COL18A1: variants seen among roughly 807,000 people sequenced by gnomAD.
COL18A1 encodes collagen type XVIII alpha 1 chain, also known as collagen alpha-1(XVIII) chain.
In COL18A1, 133 loss-of-function variants were observed where a neutral mutation model predicts 168.0. The observed-to-expected ratio is 0.79, with a 90% CI of 0.69 to 0.91. The LOEUF (loss-of-function observed/expected upper bound fraction) is 0.91, where lower values mean the gene tolerates loss of function less well. COL18A1 is among the 40% of genes least tolerant of loss of function. COL18A1 has a pLI of 0.00. For missense variants in COL18A1, 2,126 were observed against 1,925.4 expected (o/e 1.10, Z -1.95); for synonymous variants, 949 against 809.0 (o/e 1.17, Z -2.94).
At chr21:45,502,434 T>TAAAG (rs1361791672) in intron 32 of COL18A1, 1 of 152,230 alleles carries the variant, frequency 6.6e-6, no homozygotes, top group African/African-American at 2.4e-5. Context: ...CCTAAGATGT[T>TAAAG]AAAGAACAAA....
intron 2 of COL18A1, among the ~76,000 whole-genome samples, chr21:45,452,797 CAT>C (rs60869374): frequency 0.13 from 19,432 of 151,304 alleles, 1,432 homozygotes; most frequent in East Asian, 0.22. Context: ...CATGCATGTA[CAT>C]ATGTGATTGT....
Position 45,473,243 on chromosome 21 carries a change from A to C in COL18A1, c.652-652A>C, listed in dbSNP as rs2035514065. Among the ~76,000 whole-genome samples, 3 of 152,176 alleles carry C rather than the reference A, an allele frequency of 2.0e-5. No homozygotes were observed. In the South Asian group the frequency reaches 6.2e-4, roughly 32 times the overall value. ...GCACCGCCGGCCGCGCCAGGGCCCG[A>C]GAGGGCAGGGTCAGGCACCCTGGCA... On this transcript the variant is annotated intron_variant, in intron 3 of 41. Transcript: ENST00000651438. The surrounding 1 kb of genome is among the most constrained non-coding windows in gnomAD (Gnocchi z 4.0).
In COL18A1 at chr21:45,423,889, C is replaced by T. The variant is rs1400433746; in HGVS notation, c.106+18416C>T. 6.6e-6 allele frequency: 1 copy of T among 152,262 alleles called. No homozygotes were observed. The highest frequency in any genetic ancestry group is 1.9e-4 in the East Asian group (1 of 5,198). The allele number at this position is 152,262 out of a possible 1,614,324, so 9.4% of individuals were successfully genotyped here. On this transcript the variant is annotated intron_variant, in intron 2 of 41. Transcript: ENST00000651438. This position sits in a 1 kb window ranked among gnomAD's most constrained non-coding sequence, Gnocchi z 4.0. The stretch of plus-strand genomic sequence containing the variant: ...GTCCTGGGGGCAGAGGCCTGACGCA[C>T]TCAGCTGCTCGCCCAGGGCCCTCCT...
chr21:45,494,782 C>T (rs1948124228), intron 27 of COL18A1, 80 bp from the exon 28 acceptor site: 4 of 1,369,606 alleles, frequency 2.9e-6, no homozygotes, highest in African/African-American at 1.4e-5. Flanking sequence ...TGCATGGCCC[C>T]TCCCCTTCCC....
chr21:45,469,985 G>T (rs1218935019), intron 3 of COL18A1, among the ~76,000 whole-genome samples: 5 of 152,172 alleles, frequency 3.3e-5, no homozygotes, highest in Admixed American at 2.0e-4. Context: ...GCAATTTGTT[G>T]TGTGAGTCCC....
intron 2 of COL18A1, among the ~76,000 whole-genome samples, chr21:45,409,668 G>T (rs1198276387): frequency 6.6e-6 from 1 of 152,242 alleles, no homozygotes; most frequent in Non-Finnish European, 1.5e-5. Context: ...GTGAAGCCCT[G>T]CCATCTGGTG....
At chr21:45,470,795 A>G (rs1432632542) in intron 3 of COL18A1, among the ~76,000 whole-genome samples, 1 of 152,098 alleles carries the variant, frequency 6.6e-6, no homozygotes, top group Non-Finnish European at 1.5e-5. Context: ...CTGGGATTTG[A>G]TGTGTTTATG....
rs2036326317 is a variant in COL18A1, at chr21:45,491,162, G to T, written c.2068-63G>T. ...TGGGCACCCCCTCCAGGGCTGGGTG[G>T]ACTCTGGGGTCCTGGCCAGAGCGGT... is the stretch of plus-strand genomic sequence containing the variant. On this transcript the variant is annotated intron_variant, in intron 21 of 41. Coordinates refer to ENST00000651438, the MANE Select transcript of COL18A1 (RefSeq NM_001379500.1). 2.8e-6 allele frequency: 4 copies of T among 1,409,142 alleles called. No individual in the cohort carries two copies. The African/African-American group carries it at 5.6e-5, about 20-fold the overall frequency. 87.3% of individuals were successfully genotyped at this position (1,409,142 alleles called of 1,614,324 possible).
intron 2 of COL18A1, among the ~76,000 whole-genome samples, chr21:45,440,672 C>T (rs775103682): frequency 1.2e-3 from 182 of 152,000 alleles, no homozygotes; most frequent in Middle Eastern, 0.01. Context: ...CCACGTTCCC[C>T]GGAAGCAGTC....
chr21:45,497,450 C>A, intron 31 of COL18A1, 149 bp from the exon 32 acceptor site: 1 of 1,141,596 alleles, frequency 8.8e-7, no homozygotes, highest in Non-Finnish European at 1.3e-6. Flanking sequence ...CCCCTGCTCT[C>A]CAGCAGCTCC....
In COL18A1 at chr21:45,512,558, C is replaced by T; in HGVS notation, c.*160C>T. ...TAATCCTCAAGAAATAAAAGGAAGC[C>T]AAAGAGTGTATTTTTTTAAAAGTTT... On this transcript the variant is annotated 3_prime_UTR_variant, in exon 42 of 42. Coordinates refer to ENST00000651438, the MANE Select transcript of COL18A1 (RefSeq NM_001379500.1). The T allele has an allele frequency of 1.4e-6, 1 of 693,190 alleles. No homozygotes were observed. Among genetic ancestry groups the T allele is most frequent in the South Asian group, 1.8e-5 (1 of 55,508 alleles). 42.9% of individuals were successfully genotyped at this position (693,190 alleles called of 1,614,324 possible). A position where few individuals can be genotyped will look rare whatever the true frequency, so the allele number is the denominator to read the frequency against.
At chr21:45,505,455 G>A (rs771328310) in intron 36 of COL18A1, 24 bp downstream of exon 36, 131 of 1,323,730 alleles carry the variant, frequency 9.9e-5, no homozygotes, top group Non-Finnish European at 1.3e-4. Flanking sequence ...CAGCCGGCTG[G>A]GCACCTGCGT....
rs796996583 is a variant in COL18A1, at chr21:45,457,535, TGG to T, written c.107-10706_107-10705del. ...TCACCGTGTGGCCTGGCCTTGTTGCTGGCTGGACAGTTGGGGGCAGGAAGAGG... is the reference window on the plus strand; with the variant it reads ...TCACCGTGTGGCCTGGCCTTGTTGCTCTGGACAGTTGGGGGCAGGAAGAGG... On this transcript the variant is annotated intron_variant, in intron 2 of 41. Transcript: ENST00000651438. This position sits in a 1 kb window ranked among gnomAD's most constrained non-coding sequence, Gnocchi z 4.6. 3.7e-4 allele frequency among the ~76,000 whole-genome samples: 56 copies of T among 152,300 alleles called. 2 individuals carry two copies. Among genetic ancestry groups the T allele is most frequent in the African/African-American group, 1.3e-3 (54 of 41,572 alleles).
In COL18A1 at chr21:45,463,860, G is replaced by A. The variant is rs1357373889; in HGVS notation, c.107-4382G>A. Among the ~76,000 whole-genome samples, 2 of 151,864 alleles carry A rather than the reference G, an allele frequency of 1.3e-5. No homozygotes were observed. Among genetic ancestry groups the A allele is most frequent in the Admixed American group, 1.3e-4 (2 of 15,256 alleles). Reference sequence around the variant, plus strand: ...TGTGGTGAGCTGAGATTGCACCACTGTACTCCAGCCTGGGCAACAAGAGCG... The same window carrying A: ...TGTGGTGAGCTGAGATTGCACCACTATACTCCAGCCTGGGCAACAAGAGCG... On this transcript the variant is annotated intron_variant, in intron 2 of 41. Coordinates refer to ENST00000651438, the MANE Select transcript of COL18A1 (RefSeq NM_001379500.1). The surrounding 1 kb of genome is among the most constrained non-coding windows in gnomAD (Gnocchi z 4.0).
chr21:45,512,124 G>T, intron 41 of COL18A1, 64 bp from the exon 42 acceptor site: 1 of 1,539,618 alleles, frequency 6.5e-7, no homozygotes, highest in Non-Finnish European at 8.8e-7. Flanking sequence ...TCCTGCCCGG[G>T]GAGCGGCCTC....
chr21:45,505,367 T>C lies in COL18A1; in HGVS notation c.3023T>C (p.Val1008Ala). 6.3e-7 allele frequency: 1 copy of C among 1,593,242 alleles called. No individual in the cohort carries two copies. The highest frequency in any genetic ancestry group is 8.6e-7 in the Non-Finnish European group (1 of 1,163,586). The stretch of plus-strand genomic sequence containing the variant: ...GGTTTCTCTCCTGCAGCTATCAGCG[T>C]TCCCGGCCCTCCGGGCCCCCCTGGG... ...FPGPHRQTISVPGPPGPPGPP... is the reference protein window; with the variant it reads ...FPGPHRQTISAPGPPGPPGPP... Residue 1008 changes from valine (V) to alanine (A), a missense_variant, in exon 36 of 42, where the codon GTT becomes GCT. Val to Ala is a moderately conservative substitution (Grantham distance 64). Coordinates refer to ENST00000651438, the MANE Select transcript of COL18A1 (RefSeq NM_001379500.1).
At chr21:45,503,024 T>G (rs910711587) in intron 32 of COL18A1, 1 of 152,160 alleles carries the variant, frequency 6.6e-6, no homozygotes, top group Non-Finnish European at 1.5e-5. Flanking sequence ...AATGTCGCAA[T>G]AAACATACGT....
chr21:45,438,307 G>GAC (rs770924326), intron 2 of COL18A1, among the ~76,000 whole-genome samples: 1 of 44,692 alleles, frequency 2.2e-5, no homozygotes, highest in Non-Finnish European at 4.1e-5. Context: ...CACACACTCA[G>GAC]ACACACAGGC....
At chr21:45,469,066 C>T (rs1230691503) in intron 3 of COL18A1, among the ~76,000 whole-genome samples, 1 of 152,228 alleles carries the variant, frequency 6.6e-6, no homozygotes, top group Non-Finnish European at 1.5e-5. Flanking sequence ...CCTGGGCTTC[C>T]ATGGTTTCTC....
Sources: gnomAD v4.1 joint callset for allele counts (sites outside exome capture counted in the v4.1 genomes callset) on GRCh38, gnomAD v4.1.1 for gene constraint, Gnocchi (gnomAD v3.1) non-coding constraint, MANE v1.5 for transcripts, NCBI Gene and HGNC (gene_info 2026-07-23, HGNC 2026-07-21) for gene names.